Variants in UGT8 observed in about 807,000 individuals in gnomAD.
The protein encoded by UGT8 is UDP glycosyltransferase 8.
In UGT8, 12 loss-of-function variants were observed where a neutral mutation model predicts 40.5. The observed-to-expected ratio is 0.30, with a 90% CI of 0.19 to 0.48. The LOEUF (loss-of-function observed/expected upper bound fraction) is 0.48. Among genes scored for constraint, UGT8 ranks in the 20% least tolerant of loss-of-function variants. The probability of loss-of-function intolerance (pLI) is 0.99; values close to 1 mark genes in which losing one functional copy is unlikely to be tolerated. For synonymous variants in UGT8, 224 were observed against 240.4 expected (o/e 0.93, Z 0.63); for missense variants, 513 against 648.7 (o/e 0.79, Z 2.27).
chr4:114,670,430 CAAAAAA>C (rs70964319), intron 5 of UGT8, among the ~76,000 whole-genome samples: 5 of 57,332 alleles, frequency 8.7e-5, no homozygotes, highest in African/African-American at 9.6e-5. Context: ...GACTCTGTCT[CAAAAAA>C]AAAAAAAAAA....
chr4:114,674,517 C>G lies in UGT8; in HGVS notation c.1263-1408C>G, dbSNP rs1009906277. ...GGACTTTCCATCACGAGTATCTTCCCTCTGCTTTAACAGCCTGTCTCCCTG... is the reference window on the plus strand; with the variant it reads ...GGACTTTCCATCACGAGTATCTTCCGTCTGCTTTAACAGCCTGTCTCCCTG... On this transcript the variant is annotated intron_variant, in intron 5 of 5. Transcript: ENST00000310836. Among the ~76,000 whole-genome samples the G allele has an allele frequency of 2.0e-5, 3 of 152,134 alleles. No individual in the cohort carries two copies. In the South Asian group the frequency reaches 6.2e-4, roughly 32 times the overall value.
At chr4:114,617,054 CA>C (rs773010238) in intron 1 of UGT8, among the ~76,000 whole-genome samples, 4 of 152,044 alleles carry the variant, frequency 2.6e-5, no homozygotes, top group Non-Finnish European at 5.9e-5. Context: ...AGTTCGAGAC[CA>C]GTTTGACCAA....
At chr4:114,620,630 A>G (rs907463461) in intron 1 of UGT8, among the ~76,000 whole-genome samples, 3 of 152,230 alleles carry the variant, frequency 2.0e-5, no homozygotes, top group Non-Finnish European at 4.4e-5. Flanking sequence ...ATATGTTTGT[A>G]ATGTGCATTA....
chr4:114,649,155 T>C (rs1359629095), intron 2 of UGT8, among the ~76,000 whole-genome samples: 2 of 152,194 alleles, frequency 1.3e-5, no homozygotes, highest in Non-Finnish European at 2.9e-5. Flanking sequence ...AGGTTGCCAA[T>C]GTAGTGTGGG....
chr4:114,600,096 A>C (rs560099174), intron 1 of UGT8, among the ~76,000 whole-genome samples: 74 of 152,268 alleles, frequency 4.9e-4, no homozygotes, highest in African/African-American at 1.8e-3. Flanking sequence ...GAATGGCTGG[A>C]TTGCGCTAAC....
At chr4:114,663,731 T>G (rs1415358570) in intron 2 of UGT8, 1 of 985,202 alleles carries the variant, frequency 1.0e-6, no homozygotes, top group African/African-American at 1.7e-5. Context: ...TTCTGAGATT[T>G]TAAGCCTTTA....
At chr4:114,669,256 G>A (rs1273125463) in intron 5 of UGT8, among the ~76,000 whole-genome samples, 5 of 152,084 alleles carry the variant, frequency 3.3e-5, no homozygotes, top group African/African-American at 4.8e-5. Context: ...ATCCAGTGTC[G>A]GATACAGCTC....
At position 114,630,894 on chromosome 4, in the gene UGT8, G is replaced by A. The variant is rs150162921; in HGVS notation, c.822+7192G>A. On this transcript the variant is annotated intron_variant, in intron 2 of 5. Transcript: ENST00000310836. ...TGGGACTCCAGCCCCTCTTCTGCTG[G>A]CTCCACACCTATCCATTCTCCTGAC... Among the ~76,000 whole-genome samples the A allele has an allele frequency of 6.1e-3, 927 of 152,158 alleles. 12 individuals carry two copies. Among genetic ancestry groups the A allele is most frequent in the African/African-American group, 0.021 (885 of 41,512 alleles).
intron 2 of UGT8, among the ~76,000 whole-genome samples, chr4:114,661,937 T>A (rs1177961512): frequency 6.6e-6 from 1 of 152,232 alleles, no homozygotes; most frequent in Non-Finnish European, 1.5e-5. Context: ...GCATTTATGT[T>A]TAAGTACATC....
chr4:114,677,001 A>G lies in UGT8; in HGVS notation c.*713A>G, dbSNP rs1299395204. 1 of 151,976 alleles carries G rather than the reference A, an allele frequency of 6.6e-6. No homozygotes were observed. Among genetic ancestry groups the G allele is most frequent in the African/African-American group, 2.4e-5 (1 of 41,374 alleles). 9.4% of individuals were successfully genotyped at this position (151,976 alleles called of 1,614,324 possible). On this transcript the variant is annotated 3_prime_UTR_variant, in exon 6 of 6. Coordinates refer to ENST00000310836, the MANE Select transcript of UGT8 (RefSeq NM_001128174.3). The stretch of plus-strand genomic sequence containing the variant: ...AACATGTAATTAAGTAAATGTATAC[A>G]TTGGTTTTCACGTTTTACTTTTGTT...
intron 1 of UGT8, among the ~76,000 whole-genome samples, chr4:114,613,304 T>C (rs1466395549): frequency 6.6e-6 from 1 of 152,192 alleles, no homozygotes; most frequent in African/African-American, 2.4e-5. Flanking sequence ...TTAACAATTA[T>C]TTTAATTATC....
At chr4:114,611,528 CATATAT>C (rs34223454) in intron 1 of UGT8, among the ~76,000 whole-genome samples, 1 of 43,266 alleles carries the variant, frequency 2.3e-5, no homozygotes, top group African/African-American at 4.4e-5. Context: ...CGTATATATC[CATATAT>C]ATATATATAT....
At chr4:114,643,145 TCTGA>T (rs1417235061) in intron 2 of UGT8, among the ~76,000 whole-genome samples, 1 of 152,204 alleles carries the variant, frequency 6.6e-6, no homozygotes, top group Non-Finnish European at 1.5e-5. Context: ...TCACATACTC[TCTGA>T]CTTTTTTGTT....
At chr4:114,669,778 A>G (rs923052719) in intron 5 of UGT8, among the ~76,000 whole-genome samples, 1 of 152,222 alleles carries the variant, frequency 6.6e-6, no homozygotes, top group African/African-American at 2.4e-5. Flanking sequence ...ACATCAGATA[A>G]TGAGTTAACT....
intron 1 of UGT8, among the ~76,000 whole-genome samples, chr4:114,603,745 G>C (rs533357383): frequency 7.5e-4 from 114 of 152,110 alleles, no homozygotes; most frequent in Non-Finnish European, 7.1e-4. Context: ...CTACTTTATA[G>C]GGCTACTGTG....
At chr4:114,622,778 TA>T in intron 1 of UGT8, 100 bp from the exon 2 acceptor site, 1 of 1,088,332 alleles carries the variant, frequency 9.2e-7, no homozygotes, top group Non-Finnish European at 1.3e-6. Flanking sequence ...TTAGACAAAG[TA>T]TTAGATCAGA....
intron 2 of UGT8, among the ~76,000 whole-genome samples, chr4:114,657,857 G>T (rs1293750276): frequency 1.3e-5 from 2 of 152,176 alleles, no homozygotes; most frequent in African/African-American, 2.4e-5. Flanking sequence ...AGTATCGTAA[G>T]TGTTTTTAGA....
At chr4:114,599,758 A>T (rs190725211) in intron 1 of UGT8, among the ~76,000 whole-genome samples, 1 of 152,166 alleles carries the variant, frequency 6.6e-6, no homozygotes, top group Non-Finnish European at 1.5e-5. Context: ...GGCGCCTTCC[A>T]TGGACTGGAG....
intron 2 of UGT8, among the ~76,000 whole-genome samples, chr4:114,627,054 A>G (rs771982004): frequency 1.1e-4 from 16 of 152,236 alleles, no homozygotes; most frequent in Non-Finnish European, 2.1e-4. Flanking sequence ...AAGACAACTT[A>G]TCATCTACTA....
Sources: gnomAD v4.1 joint callset for allele counts (sites outside exome capture counted in the v4.1 genomes callset) on GRCh38, gnomAD v4.1.1 for gene constraint, MANE v1.5 for transcripts, NCBI Gene and HGNC (gene_info 2026-07-23, HGNC 2026-07-21) for gene names.